Variants in DAPK2 observed in about 807,000 individuals in gnomAD.
The protein encoded by DAPK2 is death-associated protein kinase 2.
A neutral mutation model predicts 44.1 loss-of-function variants in DAPK2; 35 were observed. That is an observed-to-expected ratio of 0.79 (90% CI 0.61 to 1.05). DAPK2 has a LOEUF of 1.05. Ranked by LOEUF, DAPK2 falls within the 50% of genes least tolerant of loss-of-function variation. The pLI is 0.00. For missense variants in DAPK2, 453 were observed against 483.2 expected (o/e 0.94, Z 0.59); for synonymous variants, 174 against 182.6 (o/e 0.95, Z 0.38).
intron 3 of DAPK2, among the ~76,000 whole-genome samples, chr15:63,955,515 C>T (rs2077699377): frequency 6.6e-6 from 1 of 152,064 alleles, no homozygotes; most frequent in South Asian, 2.1e-4. Flanking sequence ...TGGAAGTATT[C>T]CCCCCTCCAT....
chr15:63,922,969 A>T (rs2079123050), intron 8 of DAPK2: 1 of 1,535,896 alleles, frequency 6.5e-7, no homozygotes, highest in Non-Finnish European at 8.7e-7. Flanking sequence ...TTCCGAGGCT[A>T]CATCCCGTGG....
Position 64,016,497 on chromosome 15 carries a change from G to C in DAPK2, c.92+23673C>G, listed in dbSNP as rs59853327. On this transcript the variant is annotated intron_variant, in intron 1 of 10. Transcript: ENST00000261891. ...GCTGCCTTGCAAGGTTATTGTGACAGTTAGAAATAGCATAGGCTGGGTGCA... is the reference window on the plus strand; with the variant it reads ...GCTGCCTTGCAAGGTTATTGTGACACTTAGAAATAGCATAGGCTGGGTGCA... Among the ~76,000 whole-genome samples, 1,419 of 152,304 alleles carry C rather than the reference G, an allele frequency of 9.3e-3. 11 individuals are homozygous for C. The highest frequency in any genetic ancestry group is 0.033 in the African/African-American group (1,370 of 41,552).
intron 3 of DAPK2, among the ~76,000 whole-genome samples, chr15:63,970,433 G>T (rs2078180801): frequency 6.6e-6 from 1 of 151,982 alleles, no homozygotes; most frequent in South Asian, 2.1e-4. Context: ...CTTTTTCCAG[G>T]GAGCCCTCTC....
chr15:64,016,108 A>G (rs2079518981), intron 1 of DAPK2, among the ~76,000 whole-genome samples: 1 of 152,242 alleles, frequency 6.6e-6, no homozygotes, highest in Admixed American at 6.5e-5. Context: ...GGCTGGCTCC[A>G]GGGGACTGCA....
At chr15:63,924,547 C>T (rs1341895043) in intron 8 of DAPK2, 1 of 424,942 alleles carries the variant, frequency 2.4e-6, no homozygotes, top group Non-Finnish European at 4.2e-6. Context: ...AAGTTGGCCC[C>T]AAAGAAAAAG....
At chr15:63,928,515 C>G (rs1313630050) in intron 6 of DAPK2, 2 of 152,248 alleles carry the variant, frequency 1.3e-5, no homozygotes, top group Non-Finnish European at 2.9e-5. Context: ...GGAATGAATA[C>G]TCACTAGCCC....
rs75921767 is a variant in DAPK2 at position 63,922,313 on chromosome 15, C to T, written c.858+2503G>A. 3,398 of 996,422 alleles carry T rather than the reference C, an allele frequency of 3.4e-3. 92 individuals are homozygous for T. The African/African-American group carries it at 0.055, about 16-fold the overall frequency. The allele number at this position is 996,422 out of a possible 1,614,324, so 61.7% of individuals were successfully genotyped here. ...TCCCTGCTTCTGTAGCAGGAAAGCA[C>T]CATGCTGACTTAGTTATTCCTAATT... On this transcript the variant is annotated intron_variant, in intron 8 of 10. Transcript: ENST00000261891.
intron 1 of DAPK2, among the ~76,000 whole-genome samples, chr15:64,026,133 T>C (rs2141112431): frequency 6.6e-6 from 1 of 152,326 alleles, no homozygotes; most frequent in South Asian, 2.1e-4. Context: ...AGCCATCCCC[T>C]CTGTGGAAGG....
In DAPK2 at chr15:64,002,973, CCTGTGTGTGTGTGTGTGTGT is replaced by C. The variant is rs2079133297; in HGVS notation, c.93-19239_93-19220del. On this transcript the variant is annotated intron_variant, in intron 1 of 10. Transcript: ENST00000261891. ...GTGTGTGTGTGTGTGTGTCGTGGGACCTGTGTGTGTGTGTGTGTGTGTGTGTGTGTGTGTGTGTGTGTCGT... is the reference window on the plus strand; with the variant it reads ...GTGTGTGTGTGTGTGTGTCGTGGGACGTGTGTGTGTGTGTGTGTGTGTCGT... Among the ~76,000 whole-genome samples the C allele has an allele frequency of 2.6e-5, 2 of 75,514 alleles. 1 individual carries two copies. Among genetic ancestry groups the C allele is most frequent in the Non-Finnish European group, 4.9e-5 (2 of 41,152 alleles). The allele number at this position is 75,514 out of a possible 152,430, so 49.5% of individuals were successfully genotyped here.
intron 3 of DAPK2, among the ~76,000 whole-genome samples, chr15:63,968,665 C>T (rs1220620395): frequency 2.6e-5 from 4 of 152,216 alleles, no homozygotes; most frequent in Non-Finnish European, 5.9e-5. Context: ...TCTCTCTAAC[C>T]CTTACAGCTC....
At chr15:64,044,277 T>C (rs867067272), upstream of DAPK2, among the ~76,000 whole-genome samples, 18 of 152,208 alleles carry the variant, frequency 1.2e-4, no homozygotes, top group African/African-American at 4.3e-4. Context: ...TTCAAATTCC[T>C]GCCTACAACT....
At chr15:63,943,292 G>C (rs949323942) in intron 3 of DAPK2, among the ~76,000 whole-genome samples, 1 of 151,978 alleles carries the variant, frequency 6.6e-6, no homozygotes, top group African/African-American at 2.4e-5. Flanking sequence ...GCCCAGCATG[G>C]TGGCACACAC....
At position 63,939,246 on chromosome 15, in the gene DAPK2, G is replaced by A. The variant is rs149502968; in HGVS notation, c.569C>T (p.Thr190Met). 4.6e-5 allele frequency: 74 copies of A among 1,613,594 alleles called. No individual in the cohort carries two copies. The highest frequency in any genetic ancestry group is 6.7e-5 in the African/African-American group (5 of 74,816). Reference sequence around the variant, plus strand: ...CTACAACTCACCAACAAATTCCGGCGTCCCAAAAATATTCTTAAATTCAAC... The same window carrying A: ...CTACAACTCACCAACAAATTCCGGCATCCCAAAAATATTCTTAAATTCAAC... The change falls in exon 4 of 11, where the codon ACG (threonine) becomes ATG (methionine). Residue 190 changes from threonine to methionine, a missense_variant. Thr to Met is a moderately conservative substitution (Grantham distance 81). Coordinates refer to ENST00000261891, the Ensembl canonical transcript of DAPK2. This position sits in a 1 kb window ranked among gnomAD's most constrained non-coding sequence, Gnocchi z 4.3.
rs1212656096 is a variant in DAPK2 at position 63,923,857 on chromosome 15, A to AT, written c.858+958dup. 2.0e-5 allele frequency among the ~76,000 whole-genome samples: 3 copies of AT among 152,000 alleles called. No homozygotes were observed. The highest frequency in any genetic ancestry group is 6.6e-5 in the Admixed American group (1 of 15,262). On this transcript the variant is annotated intron_variant, in intron 8 of 10. Coordinates refer to ENST00000261891, the Ensembl canonical transcript of DAPK2. This position sits in a 1 kb window ranked among gnomAD's most constrained non-coding sequence, Gnocchi z 4.2. ...TCTTTGTATTGATTGATTGATTATT[A>AT]TTTTTTAGAGAGATGGGGTCTTGGC...
intron 4 of DAPK2, among the ~76,000 whole-genome samples, chr15:63,935,067 G>A (rs960560743): frequency 2.3e-5 from 3 of 128,490 alleles, no homozygotes; most frequent in African/African-American, 8.4e-5. Context: ...GTTCTTATTT[G>A]TTTTTCTTAA....
intron 8 of DAPK2, 96 bp downstream of exon 9, chr15:63,924,720 G>A (rs564219054): frequency 2.2e-6 from 3 of 1,370,414 alleles, no homozygotes; most frequent in African/African-American, 1.4e-5. Context: ...TAAAGCAAAG[G>A]CCTCTCCATG....
intron 3 of DAPK2, among the ~76,000 whole-genome samples, chr15:63,963,932 T>C (rs973396374): frequency 6.6e-6 from 1 of 152,120 alleles, no homozygotes; most frequent in Non-Finnish European, 1.5e-5. Context: ...ACATTGTAGT[T>C]ATTTTTTATC....
In DAPK2 at chr15:63,917,466, G is replaced by A. The variant is rs1210555235; in HGVS notation, c.859-5269C>T. 1.3e-5 allele frequency: 2 copies of A among 152,040 alleles called. No individual in the cohort carries two copies. Among genetic ancestry groups the A allele is most frequent in the African/African-American group, 4.8e-5 (2 of 41,398 alleles). 9.4% of individuals were successfully genotyped at this position (152,040 alleles called of 1,614,324 possible). On this transcript the variant is annotated intron_variant, in intron 8 of 10. Coordinates refer to ENST00000261891, the Ensembl canonical transcript of DAPK2. The surrounding 1 kb of genome is among the most constrained non-coding windows in gnomAD (Gnocchi z 4.4). ...CTGAAATTTGCTTTAAAATACCCCA[G>A]AAGAAAAGTAATGGGAGAGATGAAT...
chr15:64,027,722 A>C (rs1188989557), intron 1 of DAPK2, among the ~76,000 whole-genome samples: 1 of 152,246 alleles, frequency 6.6e-6, no homozygotes, highest in Non-Finnish European at 1.5e-5. Context: ...CAAAATTCAT[A>C]AACTAACAAA....
Sources: allele counts gnomAD v4.1 joint callset (sites outside exome capture counted in the v4.1 genomes callset), GRCh38; gene constraint gnomAD v4.1.1; non-coding constraint Gnocchi (gnomAD v3.1); transcripts MANE v1.5; gene names NCBI Gene and HGNC (gene_info 2026-07-23, HGNC 2026-07-21).